MRTFB: variants seen among roughly 807,000 people sequenced by gnomAD.
MRTFB encodes the protein myocardin related transcription factor B.
Under a neutral mutation model 104.2 loss-of-function variants are expected in MRTFB, and 29 were observed. That is an observed-to-expected ratio of 0.28 (90% CI 0.21 to 0.38). The LOEUF is 0.38. MRTFB is among the 10% of genes least tolerant of loss of function. MRTFB has a pLI of 1.00. For synonymous variants in MRTFB, 535 were observed against 519.5 expected, an observed-to-expected ratio of 1.03 and a Z score of -0.41; for missense variants, 1,270 against 1,341.6, an observed-to-expected ratio of 0.95 and a Z score of 0.83.
At chr16:14,063,338 T>C in the MRTFB span, among the ~76,000 whole-genome samples, 4 of 152,382 alleles carry the variant, frequency 2.6e-5, no homozygotes, top group African/African-American at 9.6e-5. Context: ...TTATATATTA[T>C]GCCCAAATCA....
the MRTFB span, among the ~76,000 whole-genome samples, chr16:14,045,671 A>G: frequency 2.6e-5 from 4 of 152,206 alleles, no homozygotes; most frequent in East Asian, 7.7e-4. Flanking sequence ...GTTAGAAGCA[A>G]TTCATGTACT....
At chr16:14,037,962 G>A in the MRTFB span, among the ~76,000 whole-genome samples, 1 of 152,140 alleles carries the variant, frequency 6.6e-6, no homozygotes. Flanking sequence ...TTGGACCTAC[G>A]GTCGTTATTT....
intron 2 of MRTFB, chr16:14,093,025 C>T (rs2035170898): frequency 6.6e-6 from 1 of 152,174 alleles, no homozygotes; most frequent in African/African-American, 2.4e-5. Flanking sequence ...ATTCCTCTCT[C>T]TTAATGACTA....
At chr16:14,014,825 T>G in the MRTFB span, among the ~76,000 whole-genome samples, 1 of 152,152 alleles carries the variant, frequency 6.6e-6, no homozygotes, top group African/African-American at 2.4e-5. Flanking sequence ...GCTGAGATCG[T>G]GCCACTGCAC....
intron 15 of MRTFB, among the ~76,000 whole-genome samples, chr16:14,256,772 G>A (rs2043513008): frequency 6.6e-6 from 1 of 152,192 alleles, no homozygotes; most frequent in South Asian, 2.1e-4. Context: ...ATAATTTTAA[G>A]CCATTATGTT....
intron 6 of MRTFB, among the ~76,000 whole-genome samples, chr16:14,215,933 C>A (rs1334474387): frequency 6.6e-6 from 1 of 152,234 alleles, no homozygotes; most frequent in Non-Finnish European, 1.5e-5. Context: ...ACGAATTTGA[C>A]AGTGATTTTT....
chr16:14,147,706 T>A (rs917901285), intron 3 of MRTFB, among the ~76,000 whole-genome samples: 1 of 152,194 alleles, frequency 6.6e-6, no homozygotes, highest in African/African-American at 2.4e-5. Context: ...CTTGCTTTAG[T>A]TATCAATGAG....
chr16:14,243,864 G>GTTTTTTTTTTGTTTTTTTT, intron 10 of MRTFB, among the ~76,000 whole-genome samples: 1 of 124,648 alleles, frequency 8.0e-6, no homozygotes. Context: ...CCTGTTTTGG[G>GTTTTTTTTTTGTTTTTTTT]TTTTTTTTTT....
the MRTFB span, among the ~76,000 whole-genome samples, chr16:14,013,654 T>C: frequency 3.9e-5 from 6 of 152,250 alleles, no homozygotes; most frequent in African/African-American, 1.4e-4. Context: ...TACAACCACA[T>C]GTATGACATA....
intron 2 of MRTFB, among the ~76,000 whole-genome samples, chr16:14,128,182 A>T (rs373674316): frequency 2.7e-4 from 41 of 152,112 alleles, no homozygotes; most frequent in African/African-American, 8.2e-4. Context: ...CATGGGGAAA[A>T]ATGAAGTAAG....
chr16:14,218,333 A>C (rs1362886217), intron 7 of MRTFB, among the ~76,000 whole-genome samples: 1 of 152,120 alleles, frequency 6.6e-6, no homozygotes, highest in East Asian at 1.9e-4. Flanking sequence ...TGCTGCGATT[A>C]CAGGCGTGAG....
intron 8 of MRTFB, among the ~76,000 whole-genome samples, chr16:14,233,781 CAAAAAAAAA>C (rs1007606658): frequency 6.0e-5 from 3 of 49,994 alleles, no homozygotes; most frequent in Non-Finnish European, 1.3e-4. Context: ...GACTCCCTCT[CAAAAAAAAA>C]AAAAAAAAAA....
chr16:14,113,561 G>C (rs1567337513), intron 2 of MRTFB, among the ~76,000 whole-genome samples: 1 of 152,170 alleles, frequency 6.6e-6, no homozygotes, highest in Non-Finnish European at 1.5e-5. Context: ...TATTGTGGGA[G>C]GTTGAAGTGG....
intron 3 of MRTFB, chr16:14,200,480 T>C (rs780521180): frequency 1.1e-5 from 17 of 1,610,538 alleles, no homozygotes; most frequent in African/African-American, 1.3e-5. Flanking sequence ...TTTCCACTTA[T>C]TCTTTCGAGT....
At chr16:14,011,916 C>T in the MRTFB span, among the ~76,000 whole-genome samples, 2 of 152,126 alleles carry the variant, frequency 1.3e-5, no homozygotes, top group African/African-American at 2.4e-5. Context: ...CACAGGCATT[C>T]GTTATTGTTA....
At chr16:14,134,994 C>G (rs577093020) in intron 2 of MRTFB, among the ~76,000 whole-genome samples, 1 of 152,340 alleles carries the variant, frequency 6.6e-6, no homozygotes, top group South Asian at 2.1e-4. Flanking sequence ...CCCATCTCTT[C>G]TTTTCAGTTG....
intron 8 of MRTFB, among the ~76,000 whole-genome samples, chr16:14,224,530 C>T (rs756892868): frequency 2.0e-5 from 3 of 152,166 alleles, no homozygotes; most frequent in South Asian, 2.1e-4. Context: ...CCCGCAGGAA[C>T]GCACATTATA....
intron 5 of MRTFB, 103 bp from the exon 6 acceptor site, chr16:14,213,442 T>C (rs2041282348): frequency 2.8e-6 from 2 of 713,824 alleles, no homozygotes; most frequent in South Asian, 4.4e-5. Context: ...CTCAAACACA[T>C]GACCATAAGC....
At chr16:14,251,376 CAA>C (rs776143724) in intron 13 of MRTFB, among the ~76,000 whole-genome samples, 28 of 44,698 alleles carry the variant, frequency 6.3e-4, no homozygotes, top group Middle Eastern at 9.6e-3. Flanking sequence ...GACTCCGTCT[CAA>C]AAAAAAAAAA....
Sources: gnomAD v4.1 joint callset for allele counts (sites outside exome capture counted in the v4.1 genomes callset) on GRCh38, gnomAD v4.1.1 for gene constraint, MANE v1.5 for transcripts, NCBI Gene and HGNC (gene_info 2026-07-23, HGNC 2026-07-21) for gene names.